Variants in ATP2B4 observed in about 807,000 individuals in gnomAD.
The protein encoded by ATP2B4 is ATPase plasma membrane Ca2+ transporting 4.
Under a neutral mutation model 110.3 loss-of-function variants are expected in ATP2B4, and 39 were observed. The ratio of observed to expected loss-of-function variants is 0.35; its 90% CI spans 0.27 to 0.46. The LOEUF is 0.46. Ranked by LOEUF, ATP2B4 falls within the 20% of genes least tolerant of loss-of-function variation. ATP2B4 has a pLI of 1.00. For synonymous variants in ATP2B4, 538 were observed against 571.7 expected (o/e 0.94, Z 0.84); for missense variants, 1,135 against 1,530.9 (o/e 0.74, Z 4.32).
intron 20 of ATP2B4, 187 bp downstream of exon 20, chr1:203,727,758 G>T: frequency 1.5e-6 from 1 of 671,286 alleles, no homozygotes; most frequent in Non-Finnish European, 2.5e-6. Flanking sequence ...CCTCTGAGAG[G>T]AGAGGAGTCA....
At chr1:203,631,423 AC>A (rs1357476669) in intron 1 of ATP2B4, among the ~76,000 whole-genome samples, 2 of 152,106 alleles carry the variant, frequency 1.3e-5, no homozygotes, top group East Asian at 3.9e-4. Flanking sequence ...CTGCCACTTC[AC>A]TTGGGGTGTG....
chr1:203,638,310 GCCTGCCAC>G (rs1446950829), intron 1 of ATP2B4, among the ~76,000 whole-genome samples: 5 of 152,198 alleles, frequency 3.3e-5, no homozygotes, highest in Admixed American at 6.5e-5. Context: ...CTCAGCAGCG[GCCTGCCAC>G]CTGTCTGCTT....
intron 1 of ATP2B4, among the ~76,000 whole-genome samples, chr1:203,635,600 C>T (rs1301579620): frequency 6.6e-6 from 1 of 151,906 alleles, no homozygotes; most frequent in Non-Finnish European, 1.5e-5. Context: ...TGCAGTGAGC[C>T]GTGATCATGA....
intron 1 of ATP2B4, among the ~76,000 whole-genome samples, chr1:203,680,579 A>AT (rs1304527661): frequency 4.9e-5 from 7 of 143,136 alleles, no homozygotes; most frequent in African/African-American, 1.8e-4. Flanking sequence ...ACTGCACTCC[A>AT]GCCTGGGCGA....
At chr1:203,674,342 C>T (rs1664764533) in intron 1 of ATP2B4, among the ~76,000 whole-genome samples, 1 of 152,196 alleles carries the variant, frequency 6.6e-6, no homozygotes, top group Non-Finnish European at 1.5e-5. Flanking sequence ...TTGCTGTGAA[C>T]ACCCCTACCT....
At chr1:203,687,986 G>A (rs1349200004) in intron 2 of ATP2B4, among the ~76,000 whole-genome samples, 1 of 142,178 alleles carries the variant, frequency 7.0e-6, no homozygotes, top group East Asian at 2.1e-4. Context: ...GAGAGGGAGA[G>A]AGAAAGAGAT....
chr1:203,714,019 T>C (rs1666088586), intron 14 of ATP2B4, 152 bp from the exon 15 acceptor site: 1 of 697,552 alleles, frequency 1.4e-6, no homozygotes, highest in African/African-American at 1.8e-5. Context: ...GTGCTACTCA[T>C]GAAACAACTT....
intron 13 of ATP2B4, 52 bp downstream of exon 13, chr1:203,712,191 G>T (rs1012297165): frequency 5.0e-6 from 8 of 1,585,784 alleles, no homozygotes; most frequent in South Asian, 4.6e-5. Context: ...GAAAAGGCGG[G>T]TTCTAGCATA....
intron 2 of ATP2B4, among the ~76,000 whole-genome samples, chr1:203,685,005 A>G (rs1336542980): frequency 6.6e-6 from 1 of 152,116 alleles, no homozygotes; most frequent in Admixed American, 6.5e-5. Context: ...CTGGGGTTAC[A>G]GGCATGTGGC....
At chr1:203,721,879 G>T (rs547027039) in intron 17 of ATP2B4, among the ~76,000 whole-genome samples, 5 of 151,672 alleles carry the variant, frequency 3.3e-5, no homozygotes, top group African/African-American at 4.8e-5. Flanking sequence ...GCCAGGCTGG[G>T]CTCGATCTCC....
rs760120643 is a variant in ATP2B4, at chr1:203,683,243, C to A, written c.38C>A (p.Ser13Ter). ...TCAGACCGTGTCTTGCCTGCCAACT[C>A]GATGGCCGAGAGCCGTGAAGGGGAC... Reference protein sequence around the residue: ...NPSDRVLPANSMAESREGDFG... With the variant: ...NPSDRVLPAN The change falls in exon 2 of 21, where the codon TCG becomes TAG. Residue 13 changes from serine (S) to a stop codon, truncating the protein, a stop_gained. Transcript: ENST00000357681. LOFTEE classifies it high-confidence loss of function. The A allele has an allele frequency of 4.3e-6, 7 of 1,614,108 alleles. No homozygotes were observed. The South Asian group carries it at 7.7e-5, about 18-fold the overall frequency.
intron 1 of ATP2B4, chr1:203,657,075 G>T: frequency 1.2e-6 from 1 of 830,796 alleles, no homozygotes; most frequent in Non-Finnish European, 2.0e-6. Flanking sequence ...GGCCCAATTC[G>T]CTCACATTTA....
chr1:203,653,986 T>TATA (rs1491484876), intron 1 of ATP2B4, among the ~76,000 whole-genome samples: 1 of 68,672 alleles, frequency 1.5e-5, no homozygotes, highest in African/African-American at 6.8e-5. Context: ...TATATATATA[T>TATA]TTTTTTTTTT....
chr1:203,728,282 C>T (rs1666582537), intron 20 of ATP2B4: 1 of 417,300 alleles, frequency 2.4e-6, no homozygotes, highest in Non-Finnish European at 4.9e-6. Context: ...CTGTCTATAG[C>T]CCCACAATAA....
At chr1:203,640,744 G>A (rs1663600578) in intron 1 of ATP2B4, among the ~76,000 whole-genome samples, 1 of 152,156 alleles carries the variant, frequency 6.6e-6, no homozygotes, top group Admixed American at 6.5e-5. Flanking sequence ...TGAACAGTGA[G>A]GTCGATATTA....
chr1:203,670,379 A>G (rs1189074488), intron 1 of ATP2B4, among the ~76,000 whole-genome samples: 2 of 152,142 alleles, frequency 1.3e-5, no homozygotes, highest in Non-Finnish European at 2.9e-5. Context: ...GGGTTTCGCC[A>G]TGTTGGCCAG....
chr1:203,674,287 GGTGAGCGC>G (rs1241495363), intron 1 of ATP2B4, among the ~76,000 whole-genome samples: 1 of 152,134 alleles, frequency 6.6e-6, no homozygotes, highest in Non-Finnish European at 1.5e-5. Flanking sequence ...TGAAGGAAAT[GGTGAGCGC>G]TGCTGTTTCA....
chr1:203,725,563 A>G (rs1666484019), intron 19 of ATP2B4, among the ~76,000 whole-genome samples: 1 of 152,250 alleles, frequency 6.6e-6, no homozygotes, highest in Admixed American at 6.5e-5. Flanking sequence ...ATCAGTTACT[A>G]TACAGTAATG....
At chr1:203,720,972 T>C (rs897710906) in intron 16 of ATP2B4, among the ~76,000 whole-genome samples, 2 of 152,348 alleles carry the variant, frequency 1.3e-5, no homozygotes, top group Non-Finnish European at 1.5e-5. Context: ...TTATATGCAC[T>C]ATCTGTATTC....
Sources: allele counts gnomAD v4.1 joint callset (sites outside exome capture counted in the v4.1 genomes callset), GRCh38; gene constraint gnomAD v4.1.1; transcripts MANE v1.5; gene names NCBI Gene and HGNC (gene_info 2026-07-23, HGNC 2026-07-21).